The following RITA1 variants were observed in gnomAD, a reference collection of about 807,000 sequenced individuals.
RITA1 encodes RBPJ interacting and tubulin associated 1.
Under a neutral mutation model 8.7 loss-of-function variants are expected in RITA1, and 15 were observed. The ratio of observed to expected loss-of-function variants is 1.72; its 90% confidence interval spans 1.15 to 2.65. The LOEUF (loss-of-function observed/expected upper bound fraction) is 2.65. Among genes scored for constraint, RITA1 ranks in the 30% most tolerant of loss-of-function variants. The pLI, the probability that RITA1 is intolerant of heterozygous loss-of-function variation, is 0.00. For synonymous variants in RITA1, 145 were observed against 156.2 expected, an observed-to-expected ratio of 0.93 and a Z score of 0.53; for missense variants, 330 against 363.8, an observed-to-expected ratio of 0.91 and a Z score of 0.76.
At position 113,188,976 on chromosome 12, in the gene RITA1, A is replaced by C. The variant is rs148449914; in HGVS notation, c.302+1928A>C. Among the ~76,000 whole-genome samples the C allele has an allele frequency of 6.7e-3, 1,007 of 150,774 alleles. 10 individuals carry two copies. Among genetic ancestry groups the C allele is most frequent in the African/African-American group, 0.024 (973 of 41,050 alleles). On this transcript the variant is annotated intron_variant, in intron 3 of 3. Transcript: ENST00000548278. ...AGGTGCACGCCACCATGCCTGGCTA[A>C]TTTTTGTATTTTTAGTAGAGACGGG...
In RITA1 at chr12:113,191,946, C is replaced by A; in HGVS notation, c.*129C>A. ...CCCCTGTGGGGGCAGACAGACATAG[C>A]AGGGGTGGGCAGTGCCTCCCTTTAT... is the stretch of plus-strand genomic sequence containing the variant. On this transcript the variant is annotated 3_prime_UTR_variant, in exon 4 of 4. Coordinates refer to ENST00000548278, the MANE Select transcript of RITA1 (RefSeq NM_032848.3). The surrounding 1 kb of genome is among the most constrained non-coding windows in gnomAD (Gnocchi z 4.0). The A allele has an allele frequency of 3.4e-6, 4 of 1,176,548 alleles. No homozygotes were observed. The highest frequency in any genetic ancestry group is 4.7e-6 in the Non-Finnish European group (4 of 847,798). The allele number at this position is 1,176,548 out of a possible 1,614,324, so 72.9% of individuals were successfully genotyped here. A position where few individuals can be genotyped will look rare whatever the true frequency, so the allele number is the denominator to read the frequency against.
At chr12:113,189,049 G>A (rs931745234) in intron 3 of RITA1, among the ~76,000 whole-genome samples, 3 of 151,502 alleles carry the variant, frequency 2.0e-5, no homozygotes, top group East Asian at 1.9e-4. Context: ...AGCTCAAGTC[G>A]TTCTCCCGCC....
intron 3 of RITA1, among the ~76,000 whole-genome samples, chr12:113,188,787 CTTTTTTTTTTTTTTTTTTTTTTTTTT>C (rs760372956): frequency 1.0e-3 from 75 of 73,206 alleles, no homozygotes; most frequent in African/African-American, 3.3e-3. Flanking sequence ...CCTTAGTTAC[CTTTTTTTTTTTTTTTTTTTTTTTTTT>C]TTTTTTTTTT....
chr12:113,187,403 T>C lies in RITA1; in HGVS notation c.302+355T>C, dbSNP rs1469518115. The C allele has an allele frequency of 1.4e-5, 3 of 219,038 alleles. No individual in the cohort carries two copies. The East Asian group carries it at 3.1e-4, about 22-fold the overall frequency. 13.6% of individuals were successfully genotyped at this position (219,038 alleles called of 1,614,324 possible). On this transcript the variant is annotated intron_variant, in intron 3 of 3. Transcript: ENST00000548278. The stretch of plus-strand genomic sequence containing the variant: ...AGATCACAGAGAAATTTGCATAAGC[T>C]TATTAATATTAATGTGTTCGATCCT...
chr12:113,190,597 T>C (rs1346393117), intron 3 of RITA1, among the ~76,000 whole-genome samples: 2 of 152,186 alleles, frequency 1.3e-5, no homozygotes, highest in Non-Finnish European at 2.9e-5. Context: ...TGCTGTGATC[T>C]GTGACTGTGC....
chr12:113,191,317 A>C lies in RITA1; in HGVS notation c.310A>C (p.Ser104Arg), dbSNP rs777946991. Reference sequence around the variant, plus strand: ...TTATCTTCCATTTGCCAGACCCATCAGCCACACCCCGTCTTACTGTGATGA... The same window carrying C: ...TTATCTTCCATTTGCCAGACCCATCCGCCACACCCCGTCTTACTGTGATGA... ...PRKKNKYRPI[S>R]HTPSYCDESL... The change falls in exon 4 of 4, where the codon AGC becomes CGC. Residue 104 changes from serine to arginine, a missense_variant. Transcript: ENST00000548278. The surrounding 1 kb of genome is among the most constrained non-coding windows in gnomAD (Gnocchi z 4.0). The C allele has an allele frequency of 1.9e-5, 29 of 1,518,052 alleles. No homozygotes were observed. The Admixed American group carries it at 5.8e-4, about 31-fold the overall frequency. The allele number at this position is 1,518,052 out of a possible 1,614,324, so 94.0% of individuals were successfully genotyped here. A position where few individuals can be genotyped will look rare whatever the true frequency, so the allele number is the denominator to read the frequency against.
chr12:113,187,530 G>T (rs1952551929), intron 3 of RITA1, among the ~76,000 whole-genome samples: 1 of 152,142 alleles, frequency 6.6e-6, no homozygotes, highest in Admixed American at 6.5e-5. Context: ...GGAGGTTGAG[G>T]TGGGATCACT....
chr12:113,188,498 C>T (rs990007210), intron 3 of RITA1, among the ~76,000 whole-genome samples: 9 of 152,040 alleles, frequency 5.9e-5, no homozygotes, highest in African/African-American at 9.7e-5. Flanking sequence ...TGAGCCACCG[C>T]GCCTGGCCAC....
In RITA1 at chr12:113,191,537, C is replaced by T. The variant is rs1280631605; in HGVS notation, c.530C>T (p.Ala177Val). Residue 177 changes from alanine (A) to valine (V), a missense_variant, in exon 4 of 4, where the codon GCG becomes GTG. Physicochemically the swap from Ala to Val is moderately conservative, Grantham distance 64. Transcript: ENST00000548278. This position sits in a 1 kb window ranked among gnomAD's most constrained non-coding sequence, Gnocchi z 4.0. ...CCCTCCAAGACAGAGCCGGGGCCAG[C>T]GGCAGACTCCCAGAAGTTATCTATG... ...AGPSKTEPGP[A>V]ADSQKLSMGG... 3.1e-6 allele frequency: 5 copies of T among 1,613,102 alleles called. No homozygotes were observed. The South Asian group carries it at 3.3e-5, about 11-fold the overall frequency.
intron 3 of RITA1, among the ~76,000 whole-genome samples, chr12:113,188,254 G>C (rs1952559591): frequency 7.0e-6 from 1 of 142,356 alleles, no homozygotes; most frequent in Non-Finnish European, 1.5e-5. Flanking sequence ...TTTTGCTCTT[G>C]TTGCCCAGGC....
intron 3 of RITA1, 28 bp downstream of exon 3, chr12:113,187,076 G>T (rs368418861): frequency 8.7e-5 from 132 of 1,511,978 alleles, no homozygotes; most frequent in Non-Finnish European, 1.1e-4. Context: ...TGCAAATCCT[G>T]TACTCAGTGC....
At chr12:113,189,466 T>C (rs1327628098) in intron 3 of RITA1, among the ~76,000 whole-genome samples, 2 of 152,136 alleles carry the variant, frequency 1.3e-5, no homozygotes, top group Admixed American at 6.5e-5. Context: ...AACTCCTTGC[T>C]CACCTGGAGG....
intron 2 of RITA1, 26 bp from the exon 3 acceptor site, chr12:113,186,657 G>A: frequency 6.5e-7 from 1 of 1,540,628 alleles, no homozygotes; most frequent in South Asian, 1.2e-5. Context: ...GTGGCTCAGG[G>A]GTGCTACTCT....
chr12:113,186,419 G>A (rs1593014437), intron 2 of RITA1, 103 bp downstream of exon 2: 2 of 1,373,888 alleles, frequency 1.5e-6, no homozygotes, highest in Non-Finnish European at 1.9e-6. Context: ...TCTGGTTGGT[G>A]CCTAAATAGA....
intron 3 of RITA1, among the ~76,000 whole-genome samples, chr12:113,187,638 C>G (rs933385015): frequency 6.6e-6 from 1 of 151,512 alleles, no homozygotes; most frequent in Non-Finnish European, 1.5e-5. Context: ...TGCGCCTGTA[C>G]TCCCAGCTCC....
Position 113,186,991 on chromosome 12 carries a change from C to CCACCCCCTCAA in RITA1, c.246_256dup (p.Arg86ThrfsTer113). 2 of 1,612,058 alleles carry CCACCCCCTCAA rather than the reference C, an allele frequency of 1.2e-6. No homozygotes were observed. The highest frequency in any genetic ancestry group is 1.7e-6 in the Non-Finnish European group (2 of 1,179,076). Reference sequence around the variant, plus strand: ...TTGGGGGCAAAGGGGAGCTGTGAGACCACCCCCTCAAGGGGCAGCACCCCC... The same window carrying CCACCCCCTCAA: ...TTGGGGGCAAAGGGGAGCTGTGAGACCACCCCCTCAACACCCCCTCAAGGGGCAGCACCCCC... On this transcript the variant is annotated frameshift_variant, in exon 3 of 4. Transcript: ENST00000548278. LOFTEE classifies it high-confidence loss of function.
rs1952535109 is a variant in RITA1, at chr12:113,186,240, T to C, written c.-141T>C. 7.2e-7 allele frequency: 1 copy of C among 1,396,938 alleles called. No individual in the cohort carries two copies. The highest frequency in any genetic ancestry group is 9.4e-7 in the Non-Finnish European group (1 of 1,064,200). 86.5% of individuals were successfully genotyped at this position (1,396,938 alleles called of 1,614,324 possible). ...CACCTCAGTTTTGTGATCCGTAAAA[T>C]GGACAAATTCGAAGCTACTTCACAG... On this transcript the variant is annotated 5_prime_UTR_variant, in exon 2 of 4. An upstream start codon of the reference 5' UTR is lost. Transcript: ENST00000548278.
rs747401205 is a variant in RITA1, at chr12:113,191,697, G to C, written c.690G>C (p.Thr230=). ...GGCCTCAGGATCTCAGGCCTTCCAC[G>C]TCAGGGGTGACCTTCCGGAGCCCCC... The part of the protein sequence containing the change: ...TNGPQDLRPS[T]SGVTFRSPLV... The change falls in exon 4 of 4, where the codon ACG becomes ACC. Residue 230 remains threonine (T), a synonymous_variant. Transcript: ENST00000548278. This position sits in a 1 kb window ranked among gnomAD's most constrained non-coding sequence, Gnocchi z 4.0. 1.2e-5 allele frequency: 19 copies of C among 1,614,090 alleles called. No individual in the cohort carries two copies. The highest frequency in any genetic ancestry group is 1.4e-5 in the Non-Finnish European group (17 of 1,180,022).
In RITA1 at chr12:113,192,057, C is replaced by T; in HGVS notation, c.*240C>T. On this transcript the variant is annotated 3_prime_UTR_variant, in exon 4 of 4. Transcript: ENST00000548278. ...CTAAGATGCCTCTCTCCAGCCCTGTCTCAACCATACTCCAAATTAGTGCCA... is the reference window on the plus strand; with the variant it reads ...CTAAGATGCCTCTCTCCAGCCCTGTTTCAACCATACTCCAAATTAGTGCCA... 1 of 514,956 alleles carries T rather than the reference C, an allele frequency of 1.9e-6. No individual in the cohort carries two copies. Among genetic ancestry groups the T allele is most frequent in the South Asian group, 3.1e-5 (1 of 32,274 alleles). 31.9% of individuals were successfully genotyped at this position (514,956 alleles called of 1,614,324 possible). A position where few individuals can be genotyped will look rare whatever the true frequency, so the allele number is the denominator to read the frequency against.
Sources: allele counts gnomAD v4.1 joint callset (sites outside exome capture counted in the v4.1 genomes callset), GRCh38; gene constraint gnomAD v4.1.1; non-coding constraint Gnocchi (gnomAD v3.1); transcripts MANE v1.5; gene names NCBI Gene and HGNC (gene_info 2026-07-23, HGNC 2026-07-21).